LRBA: variants seen among roughly 807,000 people sequenced by gnomAD.
LRBA encodes the protein lipopolysaccharide-responsive and beige-like anchor protein.
In LRBA, 176 loss-of-function variants were observed where a neutral mutation model predicts 330.0. The ratio of observed to expected loss-of-function variants is 0.53; its 90% CI spans 0.47 to 0.60. The LOEUF (loss-of-function observed/expected upper bound fraction) is 0.60, where lower values mean the gene tolerates loss of function less well. Ranked by LOEUF, LRBA falls within the 20% of genes least tolerant of loss-of-function variation. The pLI is 0.00. For synonymous variants in LRBA, 1,230 were observed against 1,193.0 expected, an observed-to-expected ratio of 1.03 and a Z score of -0.64; for missense variants, 3,259 against 3,444.8, an observed-to-expected ratio of 0.95 and a Z score of 1.35.
chr4:150,700,004 G>A (rs1411958586), intron 36 of LRBA, among the ~76,000 whole-genome samples: 2 of 152,060 alleles, frequency 1.3e-5, no homozygotes, highest in Non-Finnish European at 2.9e-5. Context: ...CAAAGAAAAT[G>A]CTCATTGGAG....
chr4:150,459,352 A>G (rs1312998568), intron 44 of LRBA, among the ~76,000 whole-genome samples: 1 of 151,896 alleles, frequency 6.6e-6, no homozygotes, highest in East Asian at 1.9e-4. Context: ...CAGAGGGAAG[A>G]GTAGTTGGAT....
Position 150,868,301 on chromosome 4 carries a change from T to C in LRBA, c.2454A>G (p.Ile818Met), listed in dbSNP as rs373642689. The C allele has an allele frequency of 1.2e-6, 2 of 1,610,458 alleles. No individual in the cohort carries two copies. Among genetic ancestry groups the C allele is most frequent in the Non-Finnish European group, 1.7e-6 (2 of 1,177,916 alleles). The part of the protein sequence containing the change: ...DSSVKIQNPQ[I>M]LKVIATLLRN... ...GAAGTAGGGTCGCAATTACTTTTAG[T>C]ATCTCTGTAAGACAGTTTATAAATA... Residue 818 changes from isoleucine (I) to methionine (M), a missense_variant, in exon 21 of 57, where the codon ATA (isoleucine) becomes ATG (methionine). Coordinates refer to ENST00000651943, the MANE Select transcript of LRBA (RefSeq NM_001364905.1).
At chr4:150,963,739 G>C (rs943449734) in intron 2 of LRBA, among the ~76,000 whole-genome samples, 1 of 148,712 alleles carries the variant, frequency 6.7e-6, no homozygotes, top group Non-Finnish European at 1.5e-5. Context: ...TAGGAAGTGA[G>C]GAGCATCTCT....
chr4:150,730,325 A>G (rs1730266209), intron 36 of LRBA, among the ~76,000 whole-genome samples: 1 of 152,244 alleles, frequency 6.6e-6, no homozygotes, highest in South Asian at 2.1e-4. Flanking sequence ...CAATTTAAAA[A>G]TGGGCAAAAT....
intron 42 of LRBA, among the ~76,000 whole-genome samples, chr4:150,483,135 C>T (rs913585585): frequency 2.0e-5 from 3 of 151,984 alleles, no homozygotes; most frequent in African/African-American, 4.8e-5. Flanking sequence ...GTCTACACTA[C>T]GTTTTTTTCT....
intron 17 of LRBA, among the ~76,000 whole-genome samples, chr4:150,887,028 T>G (rs1433080774): frequency 6.6e-6 from 1 of 152,208 alleles, no homozygotes; most frequent in Non-Finnish European, 1.5e-5. Context: ...GTGATGGAGA[T>G]GCTAACTACC....
chr4:150,979,945 G>C (rs1384137071), intron 2 of LRBA, among the ~76,000 whole-genome samples: 1 of 152,062 alleles, frequency 6.6e-6, no homozygotes, highest in Admixed American at 6.6e-5. Flanking sequence ...AAATAGGGGA[G>C]GGAATACTTC....
At chr4:150,699,497 C>G (rs1784931518) in intron 36 of LRBA, among the ~76,000 whole-genome samples, 1 of 152,086 alleles carries the variant, frequency 6.6e-6, no homozygotes, top group South Asian at 2.1e-4. Flanking sequence ...CAACTCTATC[C>G]AGCAATAGTG....
intron 40 of LRBA, among the ~76,000 whole-genome samples, chr4:150,544,473 T>C (rs1013926677): frequency 5.9e-5 from 9 of 152,212 alleles, no homozygotes; most frequent in African/African-American, 1.7e-4. Context: ...CAATAACCGC[T>C]CATCTTTCAG....
chr4:150,497,775 G>C (rs6839345), intron 40 of LRBA, among the ~76,000 whole-genome samples: 22,670 of 152,152 alleles, frequency 0.15, 1,705 homozygotes, highest in Middle Eastern at 0.18. Flanking sequence ...GGAGGGGCAA[G>C]AGGGGAGCCT....
Position 150,588,158 on chromosome 4 carries a change from G to A in LRBA, c.6220C>T (p.Gln2074Ter), listed in dbSNP as rs372777879. Residue 2074 changes from glutamine to a stop codon, truncating the protein, a stop_gained, in exon 40 of 57, where the codon CAG becomes TAG. Transcript: ENST00000651943. LOFTEE classifies it high-confidence loss of function. Reference sequence around the variant, plus strand: ...ACTACAACAGAGGGGGCCACAAGCTGAGCTGGTGTGCTCAGGCTAACAGGA... The same window carrying A: ...ACTACAACAGAGGGGGCCACAAGCTAAGCTGGTGTGCTCAGGCTAACAGGA... ...AGPVSLSTPAQLVAPSVVVKG... is the reference protein window; with the variant it reads ...AGPVSLSTPA 9.3e-6 allele frequency: 15 copies of A among 1,610,112 alleles called. No individual in the cohort carries two copies. The highest frequency in any genetic ancestry group is 1.3e-5 in the Non-Finnish European group (15 of 1,178,286).
intron 2 of LRBA, among the ~76,000 whole-genome samples, chr4:151,002,687 T>C (rs1334880636): frequency 2.7e-5 from 4 of 149,614 alleles, no homozygotes; most frequent in African/African-American, 4.9e-5. Flanking sequence ...ACCAAAGAGA[T>C]AGATGATATT....
At chr4:150,870,152 T>C (rs1237842366) in intron 20 of LRBA, among the ~76,000 whole-genome samples, 1 of 152,202 alleles carries the variant, frequency 6.6e-6, no homozygotes, top group Non-Finnish European at 1.5e-5. Context: ...AGAAGACATA[T>C]TGTTCTATTC....
chr4:150,411,166 TAATGA>T (rs1223564295), intron 47 of LRBA, among the ~76,000 whole-genome samples: 1 of 152,212 alleles, frequency 6.6e-6, no homozygotes, highest in South Asian at 2.1e-4. Flanking sequence ...TCTGAAAAAC[TAATGA>T]AATTTAGGTG....
chr4:150,914,082 G>T, intron 9 of LRBA, 113 bp downstream of exon 9: 2 of 743,782 alleles, frequency 2.7e-6, no homozygotes, highest in Non-Finnish European at 2.1e-6. Context: ...CAAATAGTAG[G>T]TCTCATTTTT....
chr4:150,971,962 C>A (rs1739629796), intron 2 of LRBA, among the ~76,000 whole-genome samples: 1 of 152,020 alleles, frequency 6.6e-6, no homozygotes, highest in Admixed American at 6.6e-5. Context: ...TAAATGTATG[C>A]CAGTATAATG....
At chr4:150,559,441 G>A (rs1767766958) in intron 40 of LRBA, among the ~76,000 whole-genome samples, 1 of 148,674 alleles carries the variant, frequency 6.7e-6, no homozygotes, top group African/African-American at 2.5e-5. Flanking sequence ...CATGCTGGTA[G>A]TCCCAGCTAC....
At chr4:150,694,867 AT>A (rs1042711238) in intron 36 of LRBA, among the ~76,000 whole-genome samples, 3 of 151,942 alleles carry the variant, frequency 2.0e-5, no homozygotes, top group Non-Finnish European at 2.9e-5. Context: ...AGGTTATTCT[AT>A]TTTTTTGCTT....
At chr4:150,559,656 A>T (rs1416907039) in intron 40 of LRBA, among the ~76,000 whole-genome samples, 70 of 44,362 alleles carry the variant, frequency 1.6e-3, no homozygotes, top group East Asian at 3.7e-3. Context: ...TATAATATAT[A>T]ATTATAATAT....
Sources: allele counts gnomAD v4.1 joint callset (sites outside exome capture counted in the v4.1 genomes callset), GRCh38; gene constraint gnomAD v4.1.1; transcripts MANE v1.5; gene names NCBI Gene and HGNC (gene_info 2026-07-23, HGNC 2026-07-21).